NDST4: variants seen among roughly 807,000 people sequenced by gnomAD.
NDST4 encodes N-deacetylase and N-sulfotransferase 4.
A neutral mutation model predicts 100.8 loss-of-function variants in NDST4; 63 were observed. The observed-to-expected ratio is 0.62, with a 90% CI of 0.51 to 0.77. The LOEUF (loss-of-function observed/expected upper bound fraction) is 0.77. Among genes scored for constraint, NDST4 ranks in the 30% least tolerant of loss-of-function variants. NDST4 has a pLI of 0.00. For synonymous variants in NDST4, 377 were observed against 361.8 expected (o/e 1.04, Z -0.48); for missense variants, 943 against 1,018.4 (o/e 0.93, Z 1.01).
chr4:114,944,136 C>G (rs1725810932), intron 4 of NDST4, among the ~76,000 whole-genome samples: 1 of 152,178 alleles, frequency 6.6e-6, no homozygotes, highest in African/African-American at 2.4e-5. Flanking sequence ...TCTTTCCACC[C>G]TGCTCTATAA....
intron 2 of NDST4, among the ~76,000 whole-genome samples, chr4:115,036,938 G>C (rs924845271): frequency 4.6e-5 from 7 of 151,918 alleles, no homozygotes; most frequent in African/African-American, 1.4e-4. Flanking sequence ...GCACAAGTTA[G>C]TTAAAATATT....
intron 2 of NDST4, among the ~76,000 whole-genome samples, chr4:114,994,004 T>C (rs2126252902): frequency 6.6e-6 from 1 of 152,102 alleles, no homozygotes; most frequent in Non-Finnish European, 1.5e-5. Flanking sequence ...TGATGCCATA[T>C]TGTTAAAACA....
chr4:114,983,772 G>A (rs543125483), intron 2 of NDST4, among the ~76,000 whole-genome samples: 2 of 152,246 alleles, frequency 1.3e-5, no homozygotes, highest in African/African-American at 4.8e-5. Flanking sequence ...GATATGGTTG[G>A]GCTCTGTGTC....
intron 11 of NDST4, among the ~76,000 whole-genome samples, chr4:114,837,266 G>A (rs1049764986): frequency 2.0e-5 from 3 of 152,034 alleles, no homozygotes; most frequent in Non-Finnish European, 2.9e-5. Flanking sequence ...ATCTACCTTT[G>A]ATCTTTGAGG....
chr4:115,035,310 C>T (rs1294932493), intron 2 of NDST4, among the ~76,000 whole-genome samples: 1 of 151,994 alleles, frequency 6.6e-6, no homozygotes, highest in African/African-American at 2.4e-5. Flanking sequence ...CAAGAAATTG[C>T]ATCAGATAGA....
At chr4:114,881,358 G>C (rs1724363516) in intron 6 of NDST4, among the ~76,000 whole-genome samples, 1 of 151,868 alleles carries the variant, frequency 6.6e-6, no homozygotes, top group Non-Finnish European at 1.5e-5. Flanking sequence ...CGTCAGGGAT[G>C]GAAAAAAAGG....
chr4:114,942,833 T>C (rs1725778534), intron 4 of NDST4, among the ~76,000 whole-genome samples: 1 of 151,524 alleles, frequency 6.6e-6, no homozygotes. Flanking sequence ...AACTTCAGAA[T>C]CAAAAATATT....
chr4:114,831,527 G>A (rs1723201267), intron 12 of NDST4, among the ~76,000 whole-genome samples: 1 of 152,102 alleles, frequency 6.6e-6, no homozygotes, highest in Non-Finnish European at 1.5e-5. Context: ...ACTGCATTAA[G>A]GTAAAATACA....
intron 6 of NDST4, among the ~76,000 whole-genome samples, chr4:114,886,003 T>G (rs939285251): frequency 2.0e-5 from 3 of 152,038 alleles, no homozygotes; most frequent in African/African-American, 7.2e-5. Flanking sequence ...AAAGACCACA[T>G]TCATATTTGA....
At chr4:115,037,476 C>T (rs974952680) in intron 2 of NDST4, among the ~76,000 whole-genome samples, 49 of 152,080 alleles carry the variant, frequency 3.2e-4, no homozygotes, top group African/African-American at 1.1e-3. Flanking sequence ...CTTGACATTT[C>T]TGTCTATACA....
At chr4:114,855,888 C>A (rs527304138) in intron 7 of NDST4, among the ~76,000 whole-genome samples, 2 of 151,970 alleles carry the variant, frequency 1.3e-5, no homozygotes, top group Non-Finnish European at 2.9e-5. Context: ...GAAGAATGAT[C>A]GTTTTTGATA....
At chr4:114,942,508 A>T (rs1402622236) in intron 4 of NDST4, among the ~76,000 whole-genome samples, 1 of 152,150 alleles carries the variant, frequency 6.6e-6, no homozygotes, top group East Asian at 1.9e-4. Context: ...CTTAGTAGAG[A>T]TTGAAATTAA....
intron 2 of NDST4, among the ~76,000 whole-genome samples, chr4:115,049,645 T>C (rs2126278231): frequency 6.6e-6 from 1 of 152,266 alleles, no homozygotes; most frequent in East Asian, 1.9e-4. Flanking sequence ...GAAAGGAGTT[T>C]TGCCCTGTGA....
At chr4:114,874,029 C>T (rs1429273189) in intron 6 of NDST4, among the ~76,000 whole-genome samples, 1 of 151,950 alleles carries the variant, frequency 6.6e-6, no homozygotes, top group African/African-American at 2.4e-5. Context: ...TAACCAGCAT[C>T]ACTATTCATC....
intron 6 of NDST4, among the ~76,000 whole-genome samples, chr4:114,928,715 C>T (rs6848295): frequency 1.3e-5 from 2 of 152,026 alleles, no homozygotes; most frequent in African/African-American, 2.4e-5. Flanking sequence ...CTCTGTAATG[C>T]GGGTAGACTT....
At chr4:114,953,621 C>T (rs1396503718) in intron 4 of NDST4, among the ~76,000 whole-genome samples, 4 of 152,026 alleles carry the variant, frequency 2.6e-5, no homozygotes, top group African/African-American at 7.2e-5. Context: ...TATGTGAATG[C>T]GATGTGATGC....
intron 12 of NDST4, among the ~76,000 whole-genome samples, chr4:114,830,271 A>C (rs1382517766): frequency 1.3e-5 from 2 of 152,216 alleles, no homozygotes; most frequent in African/African-American, 4.8e-5. Context: ...TTTCAAAGAT[A>C]TGTTAACAGA....
intron 2 of NDST4, among the ~76,000 whole-genome samples, chr4:115,024,598 G>A (rs1263693761): frequency 2.0e-5 from 3 of 152,080 alleles, no homozygotes; most frequent in Admixed American, 2.0e-4. Context: ...ACTTAAAGCT[G>A]GAGGAAATTT....
At chr4:114,956,440 A>C (rs1363008934) in intron 4 of NDST4, among the ~76,000 whole-genome samples, 3 of 152,224 alleles carry the variant, frequency 2.0e-5, no homozygotes, top group Non-Finnish European at 2.9e-5. Flanking sequence ...TATCATAATT[A>C]AGATAGAAAA....
Sources: allele counts gnomAD v4.1 joint callset (sites outside exome capture counted in the v4.1 genomes callset), GRCh38; gene constraint gnomAD v4.1.1; transcripts MANE v1.5; gene names NCBI Gene and HGNC (gene_info 2026-07-23, HGNC 2026-07-21).